Variants in SLC24A2 observed in about 807,000 individuals in gnomAD.
SLC24A2 encodes sodium/potassium/calcium exchanger 2.
SLC24A2 carries 36 observed loss-of-function variants against 62.0 expected under a neutral mutation model. That is an observed-to-expected ratio of 0.58 (90% confidence interval 0.44 to 0.77). SLC24A2 has a LOEUF of 0.77. Among genes scored for constraint, SLC24A2 ranks in the 30% least tolerant of loss-of-function variants. The pLI, the probability that SLC24A2 is intolerant of heterozygous loss-of-function variation, is 0.00. For synonymous variants in SLC24A2, 358 were observed against 294.0 expected, an observed-to-expected ratio of 1.22 and a Z score of -2.23; for missense variants, 846 against 817.9, an observed-to-expected ratio of 1.03 and a Z score of -0.42.
the SLC24A2 span, among the ~76,000 whole-genome samples, chr9:20,119,137 A>C: frequency 6.6e-6 from 1 of 152,134 alleles, no homozygotes; most frequent in South Asian, 2.1e-4. Flanking sequence ...TACAACTGTA[A>C]GATAATTATA....
At chr9:20,258,865 T>C in the SLC24A2 span, among the ~76,000 whole-genome samples, 21,677 of 137,732 alleles carry the variant, frequency 0.16, 1,920 homozygotes, top group South Asian at 0.19. Flanking sequence ...AATGTCTATC[T>C]ATCCATCCAT....
the SLC24A2 span, among the ~76,000 whole-genome samples, chr9:20,099,149 T>A: frequency 1.3e-5 from 2 of 152,172 alleles, no homozygotes; most frequent in Non-Finnish European, 2.9e-5. Context: ...TAACATGGCA[T>A]AGGTTTCCCA....
At chr9:19,543,877 G>A (rs975637234) in intron 8 of SLC24A2, among the ~76,000 whole-genome samples, 4 of 152,114 alleles carry the variant, frequency 2.6e-5, no homozygotes, top group Non-Finnish European at 5.9e-5. Flanking sequence ...GAATAAGTGC[G>A]ATGAGGTGCT....
the SLC24A2 span, among the ~76,000 whole-genome samples, chr9:19,933,075 G>A: frequency 6.6e-6 from 1 of 152,246 alleles, no homozygotes; most frequent in African/African-American, 2.4e-5. Flanking sequence ...TGGACTTGGG[G>A]AAGAGGCTTG....
chr9:19,785,423 T>C (rs1335369534), intron 2 of SLC24A2, among the ~76,000 whole-genome samples: 5 of 152,168 alleles, frequency 3.3e-5, no homozygotes, highest in East Asian at 1.9e-4. Context: ...AAAACAGCCA[T>C]GACAACAATA....
chr9:19,935,196 G>A, the SLC24A2 span, among the ~76,000 whole-genome samples: 6 of 151,666 alleles, frequency 4.0e-5, no homozygotes, highest in Non-Finnish European at 8.8e-5. Flanking sequence ...CTTCCAGCCT[G>A]ACCTACTATA....
chr9:20,273,479 G>T, the SLC24A2 span, among the ~76,000 whole-genome samples: 880 of 152,256 alleles, frequency 5.8e-3, 11 homozygotes, highest in African/African-American at 0.02. Flanking sequence ...TGTGGGAGAT[G>T]ATTGAATCAT....
At chr9:19,644,087 A>T (rs1309677677) in intron 2 of SLC24A2, among the ~76,000 whole-genome samples, 1 of 152,246 alleles carries the variant, frequency 6.6e-6, no homozygotes, top group African/African-American at 2.4e-5. Flanking sequence ...CTCAGTTGTG[A>T]ACTTATAGCT....
At chr9:19,875,557 C>T in the SLC24A2 span, among the ~76,000 whole-genome samples, 1 of 152,118 alleles carries the variant, frequency 6.6e-6, no homozygotes, top group Non-Finnish European at 1.5e-5. Flanking sequence ...CAAGATTATC[C>T]TTATGGGGAG....
chr9:20,103,413 C>T, the SLC24A2 span, among the ~76,000 whole-genome samples: 2 of 152,196 alleles, frequency 1.3e-5, no homozygotes, highest in African/African-American at 4.8e-5. Context: ...GTCCCTGACC[C>T]CTGACCCCCG....
chr9:19,892,845 C>T, the SLC24A2 span, among the ~76,000 whole-genome samples: 12 of 152,260 alleles, frequency 7.9e-5, no homozygotes, highest in East Asian at 1.7e-3. Flanking sequence ...CCCAGTCTGG[C>T]TGTCAATAAA....
chr9:20,162,274 T>C, the SLC24A2 span, among the ~76,000 whole-genome samples: 1 of 151,604 alleles, frequency 6.6e-6, no homozygotes, highest in Admixed American at 6.6e-5. Flanking sequence ...ACACAAACAA[T>C]AGTTAGAAGA....
At chr9:19,990,159 A>G in the SLC24A2 span, among the ~76,000 whole-genome samples, 1 of 152,142 alleles carries the variant, frequency 6.6e-6, no homozygotes, top group Non-Finnish European at 1.5e-5. Context: ...ATCCTGTAAA[A>G]TTTGTAACAT....
chr9:19,987,883 C>G, the SLC24A2 span, among the ~76,000 whole-genome samples: 2 of 152,120 alleles, frequency 1.3e-5, no homozygotes, highest in African/African-American at 4.8e-5. Context: ...CCAGCGACAC[C>G]CATCTCTAAA....
chr9:20,225,581 T>C, the SLC24A2 span, among the ~76,000 whole-genome samples: 3 of 66,406 alleles, frequency 4.5e-5, no homozygotes. Context: ...TATAATTTCA[T>C]TTAAAGAAAG....
At chr9:20,044,919 T>C in the SLC24A2 span, among the ~76,000 whole-genome samples, 3 of 152,030 alleles carry the variant, frequency 2.0e-5, no homozygotes, top group African/African-American at 7.2e-5. Context: ...ACAGGTTACA[T>C]CTTCAAGTGT....
chr9:19,623,819 G>A (rs568366627), intron 2 of SLC24A2, among the ~76,000 whole-genome samples: 1 of 152,188 alleles, frequency 6.6e-6, no homozygotes, highest in African/African-American at 2.4e-5. Flanking sequence ...ATTTTTATAG[G>A]CTCTTGAAGA....
At chr9:19,937,100 C>T in the SLC24A2 span, among the ~76,000 whole-genome samples, 27 of 151,996 alleles carry the variant, frequency 1.8e-4, no homozygotes, top group African/African-American at 5.8e-4. Flanking sequence ...AAACACATAC[C>T]GCATTGATTC....
At chr9:19,967,659 TCTC>T in the SLC24A2 span, 16 of 152,178 alleles carry the variant, frequency 1.1e-4, no homozygotes, top group Non-Finnish European at 2.1e-4. Flanking sequence ...CCTTAGCAAA[TCTC>T]ATCATAAGAT....
Sources: allele counts gnomAD v4.1 joint callset (sites outside exome capture counted in the v4.1 genomes callset), GRCh38; gene constraint gnomAD v4.1.1; transcripts MANE v1.5; gene names NCBI Gene and HGNC (gene_info 2026-07-23, HGNC 2026-07-21).